The following AIG1 variants were observed in gnomAD, a reference collection of about 807,000 sequenced individuals.
The protein encoded by AIG1 is androgen-induced gene 1 protein.
Under a neutral mutation model 31.4 loss-of-function variants are expected in AIG1, and 23 were observed. That is an observed-to-expected ratio of 0.73 (90% confidence interval 0.53 to 1.04). The LOEUF is 1.04. AIG1 is among the 50% of genes least tolerant of loss of function. AIG1 has a pLI of 0.00. For synonymous variants in AIG1, 100 were observed against 110.5 expected, an observed-to-expected ratio of 0.90 and a Z score of 0.60; for missense variants, 274 against 295.0, an observed-to-expected ratio of 0.93 and a Z score of 0.52.
intron 4 of AIG1, among the ~76,000 whole-genome samples, chr6:143,307,214 C>T (rs1416048327): frequency 6.6e-6 from 1 of 152,248 alleles, no homozygotes; most frequent in African/African-American, 2.4e-5. Flanking sequence ...CAAAGTCATT[C>T]TCCATCCAGC....
chr6:143,081,252 C>G (rs967812908), intron 1 of AIG1, among the ~76,000 whole-genome samples: 12 of 152,140 alleles, frequency 7.9e-5, no homozygotes, highest in South Asian at 2.1e-4. Flanking sequence ...TCGTGGCCTC[C>G]AGGCACAGTG....
At chr6:143,162,161 C>T (rs1158351286) in intron 2 of AIG1, among the ~76,000 whole-genome samples, 1 of 152,194 alleles carries the variant, frequency 6.6e-6, no homozygotes, top group Non-Finnish European at 1.5e-5. Flanking sequence ...AAATGTAATA[C>T]TCTCCACAGT....
chr6:143,084,485 C>T (rs978087609), intron 1 of AIG1, among the ~76,000 whole-genome samples: 1 of 152,110 alleles, frequency 6.6e-6, no homozygotes, highest in African/African-American at 2.4e-5. Context: ...TTTTTCTTAT[C>T]CCGTTTGTCC....
At chr6:143,321,227 C>T (rs1776183144) in intron 4 of AIG1, among the ~76,000 whole-genome samples, 1 of 152,110 alleles carries the variant, frequency 6.6e-6, no homozygotes, top group African/African-American at 2.4e-5. Context: ...TTTCAATGGA[C>T]TTATACTTAC....
chr6:143,333,541 T>C lies in AIG1; in HGVS notation c.679+96T>C. On this transcript the variant is annotated intron_variant, in intron 5 of 5. Transcript: ENST00000357847. This position sits in a 1 kb window ranked among gnomAD's most constrained non-coding sequence, Gnocchi z 4.6. ...AAAATTCCACTGTAGCCTCTTCTTT[T>C]AGCCTTCACACAGGATCTCCTATAA... 7.7e-7 allele frequency: 1 copy of C among 1,300,702 alleles called. No individual in the cohort carries two copies. Among genetic ancestry groups the C allele is most frequent in the Non-Finnish European group, 1.1e-6 (1 of 944,602 alleles). The allele number at this position is 1,300,702 out of a possible 1,614,324, so 80.6% of individuals were successfully genotyped here.
intron 1 of AIG1, among the ~76,000 whole-genome samples, chr6:143,092,960 G>A (rs1779433367): frequency 6.6e-6 from 1 of 152,170 alleles, no homozygotes; most frequent in East Asian, 1.9e-4. Flanking sequence ...TGAGGTGGGA[G>A]CATTGCTTGA....
intron 3 of AIG1, among the ~76,000 whole-genome samples, chr6:143,173,736 G>C (rs530612331): frequency 2.0e-5 from 3 of 152,094 alleles, no homozygotes; most frequent in Admixed American, 2.0e-4. Context: ...TTATTCCACT[G>C]TGGCCTGAGA....
At chr6:143,069,529 G>A (rs775441376) in intron 1 of AIG1, among the ~76,000 whole-genome samples, 6 of 152,134 alleles carry the variant, frequency 3.9e-5, no homozygotes, top group Non-Finnish European at 5.9e-5. Flanking sequence ...ATTCTAATAG[G>A]TGTGTAGCAC....
chr6:143,177,850 C>T (rs1436678410), intron 3 of AIG1, among the ~76,000 whole-genome samples: 2 of 152,156 alleles, frequency 1.3e-5, no homozygotes, highest in Admixed American at 6.5e-5. Context: ...AGCATGAAAC[C>T]GATCTGCTGC....
At chr6:143,064,369 A>T (rs1327208910) in intron 1 of AIG1, among the ~76,000 whole-genome samples, 7 of 152,178 alleles carry the variant, frequency 4.6e-5, no homozygotes. Context: ...AAGATGGAGG[A>T]TGGAGCCAGG....
At chr6:143,064,571 A>G (rs1336778018) in intron 1 of AIG1, among the ~76,000 whole-genome samples, 1 of 152,266 alleles carries the variant, frequency 6.6e-6, no homozygotes, top group Non-Finnish European at 1.5e-5. Context: ...TTACCACAGT[A>G]ATAGAAAACT....
intron 3 of AIG1, among the ~76,000 whole-genome samples, chr6:143,180,801 C>A (rs1016492750): frequency 6.6e-6 from 1 of 152,094 alleles, no homozygotes; most frequent in African/African-American, 2.4e-5. Flanking sequence ...TAAACCCCAC[C>A]CCTCTTCACA....
At chr6:143,285,311 T>C (rs1287275762) in intron 4 of AIG1, among the ~76,000 whole-genome samples, 1 of 150,884 alleles carries the variant, frequency 6.6e-6, no homozygotes, top group Non-Finnish European at 1.5e-5. Flanking sequence ...AGGATGTCCA[T>C]GTGGACAAGC....
At chr6:143,245,351 G>A (rs767703627) in intron 3 of AIG1, among the ~76,000 whole-genome samples, 1 of 152,118 alleles carries the variant, frequency 6.6e-6, no homozygotes, top group Non-Finnish European at 1.5e-5. Context: ...AAAAGAAAAA[G>A]CAACACAGCT....
intron 1 of AIG1, among the ~76,000 whole-genome samples, chr6:143,109,762 G>A (rs1303078423): frequency 6.6e-6 from 1 of 151,954 alleles, no homozygotes; most frequent in Non-Finnish European, 1.5e-5. Context: ...TAGAAGGCAA[G>A]TTTTAAAAAA....
chr6:143,114,066 G>A (rs538330054), intron 1 of AIG1, among the ~76,000 whole-genome samples: 16 of 152,242 alleles, frequency 1.1e-4, no homozygotes, highest in South Asian at 4.1e-4. Flanking sequence ...GAGCCACCGC[G>A]CCTGGCCGGA....
rs553745871 is a variant in AIG1 at position 143,330,189 on chromosome 6, T to C, written c.516-3093T>C. Among the ~76,000 whole-genome samples the C allele has an allele frequency of 1.8e-4, 28 of 152,166 alleles. No homozygotes were observed. The highest frequency in any genetic ancestry group is 3.7e-4 in the Non-Finnish European group (25 of 68,042). Reference sequence around the variant, plus strand: ...CCACAGAATACAGCAATGAACATAATTGGACAAAATTCCTTTGCTCATTGA... The same window carrying C: ...CCACAGAATACAGCAATGAACATAACTGGACAAAATTCCTTTGCTCATTGA... On this transcript the variant is annotated intron_variant, in intron 4 of 5. Transcript: ENST00000357847. This position sits in a 1 kb window ranked among gnomAD's most constrained non-coding sequence, Gnocchi z 4.4.
At chr6:143,071,995 T>G (rs917989306) in intron 1 of AIG1, among the ~76,000 whole-genome samples, 1 of 151,938 alleles carries the variant, frequency 6.6e-6, no homozygotes, top group Admixed American at 6.6e-5. Context: ...CTTTGCTGCA[T>G]TACCCAGGCT....
chr6:143,206,038 T>A (rs1791083174), intron 3 of AIG1, among the ~76,000 whole-genome samples: 1 of 152,258 alleles, frequency 6.6e-6, no homozygotes, highest in Admixed American at 6.5e-5. Context: ...CAAGGTATTA[T>A]GACTGTGTTG....
Sources: allele counts gnomAD v4.1 joint callset (sites outside exome capture counted in the v4.1 genomes callset), GRCh38; gene constraint gnomAD v4.1.1; non-coding constraint Gnocchi (gnomAD v3.1); transcripts MANE v1.5; gene names NCBI Gene and HGNC (gene_info 2026-07-23, HGNC 2026-07-21).